The following ACVR1C variants were observed in gnomAD, a reference collection of about 807,000 sequenced individuals.
The protein encoded by ACVR1C is activin A receptor type 1C, also known as activin receptor type-1C.
In ACVR1C, 23 loss-of-function variants were observed where a neutral mutation model predicts 57.9. That is an observed-to-expected ratio of 0.40 (90% confidence interval 0.29 to 0.56). The LOEUF (loss-of-function observed/expected upper bound fraction) is 0.56, where lower values mean the gene tolerates loss of function less well. ACVR1C is among the 20% of genes least tolerant of loss of function. ACVR1C has a pLI of 0.50. For missense variants in ACVR1C, 480 were observed against 607.9 expected, an observed-to-expected ratio of 0.79 and a Z score of 2.21; for synonymous variants, 214 against 215.3, an observed-to-expected ratio of 0.99 and a Z score of 0.05.
At chr2:157,609,297 G>C (rs1682477676) in intron 1 of ACVR1C, among the ~76,000 whole-genome samples, 1 of 151,752 alleles carries the variant, frequency 6.6e-6, no homozygotes, top group Admixed American at 6.6e-5. Flanking sequence ...TCTTGGTATT[G>C]ATTTCTAGTT....
rs1682965604 is a variant in ACVR1C at position 157,628,806 on chromosome 2, C to A, written c.-162G>T. The A allele has an allele frequency of 2.2e-6, 1 of 450,206 alleles. No homozygotes were observed. Among genetic ancestry groups the A allele is most frequent in the Non-Finnish European group, 3.7e-6 (1 of 267,174 alleles). 27.9% of individuals were successfully genotyped at this position (450,206 alleles called of 1,614,324 possible). On this transcript the variant is annotated 5_prime_UTR_variant, in exon 1 of 9. An upstream open reading frame in the 5' UTR gains an earlier in-frame stop. Transcript: ENST00000243349. ...CTCTAGTCAGTGTGGGCGCCCCCCT[C>A]CCCGGCCGCCCCCATCCCACGCCCC...
At chr2:157,577,734 T>A (rs1688697823) in intron 2 of ACVR1C, among the ~76,000 whole-genome samples, 3 of 152,220 alleles carry the variant, frequency 2.0e-5, no homozygotes. Flanking sequence ...GAATGCTGAG[T>A]CTATCTACAT....
intron 3 of ACVR1C, among the ~76,000 whole-genome samples, chr2:157,551,307 T>G (rs1056917577): frequency 1.3e-5 from 2 of 152,200 alleles, no homozygotes; most frequent in Admixed American, 1.3e-4. Flanking sequence ...TGAGAATTAA[T>G]AAGCATGTTC....
At chr2:157,587,679 G>A (rs1035678367) in intron 1 of ACVR1C, among the ~76,000 whole-genome samples, 1 of 151,818 alleles carries the variant, frequency 6.6e-6, no homozygotes, top group Non-Finnish European at 1.5e-5. Context: ...CCTCATCCAT[G>A]CTCTAAATAC....
At chr2:157,588,779 T>C (rs1045006938) in intron 1 of ACVR1C, among the ~76,000 whole-genome samples, 17 of 149,286 alleles carry the variant, frequency 1.1e-4, no homozygotes, top group Non-Finnish European at 2.2e-4. Context: ...TTCATTCTTT[T>C]TTATGGCTGA....
chr2:157,586,911 T>G (rs1688935803), intron 2 of ACVR1C, among the ~76,000 whole-genome samples: 1 of 152,174 alleles, frequency 6.6e-6, no homozygotes, highest in South Asian at 2.1e-4. Context: ...AATTTACATT[T>G]GACTTTAGGT....
At chr2:157,576,160 T>C (rs1048207876) in intron 2 of ACVR1C, among the ~76,000 whole-genome samples, 2 of 148,516 alleles carry the variant, frequency 1.3e-5, no homozygotes, top group Admixed American at 1.4e-4. Context: ...CCTTATCCCT[T>C]CCCCCAAGGC....
At chr2:157,602,230 T>C (rs1278280535) in intron 1 of ACVR1C, among the ~76,000 whole-genome samples, 1 of 152,202 alleles carries the variant, frequency 6.6e-6, no homozygotes, top group African/African-American at 2.4e-5. Context: ...TTTCAATCAA[T>C]TATTTCTTGG....
intron 2 of ACVR1C, among the ~76,000 whole-genome samples, chr2:157,583,664 G>T (rs754926811): frequency 4.1e-4 from 62 of 152,066 alleles, no homozygotes; most frequent in Non-Finnish European, 7.4e-4. Context: ...ATAGTATAAG[G>T]CATATAGAAC....
intron 2 of ACVR1C, among the ~76,000 whole-genome samples, chr2:157,575,099 C>T (rs1224324737): frequency 6.6e-6 from 1 of 151,530 alleles, no homozygotes; most frequent in African/African-American, 2.4e-5. Context: ...GTAGCTGGGA[C>T]TACAAGTGTG....
At chr2:157,550,442 G>T (rs1052141568) in intron 3 of ACVR1C, 50 bp from the exon 4 acceptor site, 1 of 1,516,414 alleles carries the variant, frequency 6.6e-7, no homozygotes, top group South Asian at 1.1e-5. Context: ...TGTCAGAAAA[G>T]AACTCTCAAT....
intron 1 of ACVR1C, among the ~76,000 whole-genome samples, chr2:157,624,790 A>G (rs1368502893): frequency 6.6e-6 from 1 of 152,180 alleles, no homozygotes; most frequent in African/African-American, 2.4e-5. Context: ...CCAGAAATAC[A>G]TGCATCAGGA....
At chr2:157,566,408 G>A (rs1424070079) in intron 2 of ACVR1C, among the ~76,000 whole-genome samples, 17 of 152,348 alleles carry the variant, frequency 1.1e-4, no homozygotes, top group Admixed American at 7.8e-4. Flanking sequence ...CAGCGTGAGC[G>A]ACGCAGAAGA....
intron 1 of ACVR1C, among the ~76,000 whole-genome samples, chr2:157,598,883 G>T (rs1682205018): frequency 6.6e-6 from 1 of 152,036 alleles, no homozygotes; most frequent in African/African-American, 2.4e-5. Context: ...GGGGTTGACT[G>T]CATCAGAAAG....
In ACVR1C at chr2:157,538,753, A is replaced by G. The variant is rs75220520; in HGVS notation, c.1226-50T>C. On this transcript the variant is annotated intron_variant, in intron 7 of 8. Transcript: ENST00000243349. ...TTCCATGTGCAAATAATAAACAAAC[A>G]TGTCTATTTTAAATAATACCAATTA... The G allele has an allele frequency of 6.8e-3, 9,531 of 1,406,240 alleles. 387 individuals are homozygous for G. The East Asian group carries it at 0.11, about 17-fold the overall frequency. The allele number at this position is 1,406,240 out of a possible 1,614,324, so 87.1% of individuals were successfully genotyped here.
intron 1 of ACVR1C, among the ~76,000 whole-genome samples, chr2:157,619,014 T>C (rs568497552): frequency 1.8e-4 from 28 of 151,974 alleles, no homozygotes; most frequent in African/African-American, 5.8e-4. Flanking sequence ...TCAGTAAAGA[T>C]AGAAAAGACT....
chr2:157,565,676 G>A (rs973559901), intron 2 of ACVR1C, among the ~76,000 whole-genome samples: 1 of 152,044 alleles, frequency 6.6e-6, no homozygotes, highest in African/African-American at 2.4e-5. Flanking sequence ...GCTATTGATG[G>A]GCCATTCCAC....
intron 2 of ACVR1C, among the ~76,000 whole-genome samples, chr2:157,558,307 G>T (rs1381469667): frequency 6.6e-6 from 1 of 152,202 alleles, no homozygotes; most frequent in Non-Finnish European, 1.5e-5. Flanking sequence ...ATGATAACGG[G>T]CCTTGATAGT....
At chr2:157,610,894 T>A (rs745716540) in intron 1 of ACVR1C, among the ~76,000 whole-genome samples, 2 of 152,222 alleles carry the variant, frequency 1.3e-5, no homozygotes, top group South Asian at 2.1e-4. Flanking sequence ...TCTTATTATA[T>A]CTTTGGTAAA....
Sources: allele counts gnomAD v4.1 joint callset (sites outside exome capture counted in the v4.1 genomes callset), GRCh38; gene constraint gnomAD v4.1.1; transcripts MANE v1.5; gene names NCBI Gene and HGNC (gene_info 2026-07-23, HGNC 2026-07-21).